Variants in GAS2 observed in about 807,000 individuals in gnomAD.
GAS2 encodes the protein growth arrest specific 2.
GAS2 carries 20 observed loss-of-function variants against 37.5 expected under a neutral mutation model. That is an observed-to-expected ratio of 0.53 (90% CI 0.37 to 0.77). GAS2 has a LOEUF of 0.77. GAS2 is among the 30% of genes least tolerant of loss of function. GAS2 has a pLI of 0.00. For synonymous variants in GAS2, 144 were observed against 132.2 expected (o/e 1.09, Z -0.61); for missense variants, 336 against 373.4 (o/e 0.90, Z 0.82).
chr11:22,761,673 T>C (rs569902961), intron 7 of GAS2, among the ~76,000 whole-genome samples: 2 of 152,272 alleles, frequency 1.3e-5, no homozygotes, highest in South Asian at 4.1e-4. Context: ...TTACTGATAA[T>C]TGCCTTTGTT....
At chr11:22,632,705 C>G (rs1375137730) in intron 1 of GAS2, among the ~76,000 whole-genome samples, 2 of 151,834 alleles carry the variant, frequency 1.3e-5, no homozygotes, top group African/African-American at 4.8e-5. Flanking sequence ...TTAGGTTGGC[C>G]CTTTTACATA....
chr11:22,628,196 G>A (rs1428888883), intron 1 of GAS2, among the ~76,000 whole-genome samples: 3 of 152,144 alleles, frequency 2.0e-5, no homozygotes, highest in South Asian at 2.1e-4. Context: ...AGGGTGGGGA[G>A]GGATACAAAA....
In GAS2 at chr11:22,716,094, C is replaced by T. The variant is rs186917214; in HGVS notation, c.268-10198C>T. Reference sequence around the variant, plus strand: ...AACAGAAGTAAAAACAAAAAACATACGATCATCTCAGTAGATGCAGAAAAA... The same window carrying T: ...AACAGAAGTAAAAACAAAAAACATATGATCATCTCAGTAGATGCAGAAAAA... On this transcript the variant is annotated intron_variant, in intron 3 of 7. Coordinates refer to ENST00000454584, the MANE Select transcript of GAS2 (RefSeq NM_001143830.3). 5.9e-5 allele frequency among the ~76,000 whole-genome samples: 9 copies of T among 152,138 alleles called. No individual in the cohort carries two copies. In the South Asian group the frequency reaches 8.3e-4, roughly 14 times the overall value.
At position 22,726,348 on chromosome 11, in the gene GAS2, T is replaced by C; in HGVS notation, c.324T>C (p.Phe108=). Residue 108 remains phenylalanine, a synonymous_variant, in exon 4 of 8, where the codon TTT becomes TTC. Coordinates refer to ENST00000454584, the MANE Select transcript of GAS2 (RefSeq NM_001143830.3). ...CKTSAPSGSF[F]ARDNTANFLS... is the part of the protein sequence containing the mutation. Reference sequence around the variant, plus strand: ...CCAGTGCACCCTCGGGCTCCTTTTTTGCCAGAGACAATACAGCAAATTTCT... The same window carrying C: ...CCAGTGCACCCTCGGGCTCCTTTTTCGCCAGAGACAATACAGCAAATTTCT... 1.2e-6 allele frequency: 2 copies of C among 1,612,832 alleles called. No homozygotes were observed. Among genetic ancestry groups the C allele is most frequent in the Non-Finnish European group, 1.7e-6 (2 of 1,179,346 alleles).
At chr11:22,649,491 G>A (rs902488555) in intron 1 of GAS2, among the ~76,000 whole-genome samples, 33 of 152,102 alleles carry the variant, frequency 2.2e-4, no homozygotes, top group African/African-American at 5.8e-4. Context: ...CAGAAGGAAT[G>A]GTACCAGTTC....
chr11:22,638,888 T>C (rs779359416), intron 1 of GAS2, among the ~76,000 whole-genome samples: 1 of 152,034 alleles, frequency 6.6e-6, no homozygotes, highest in Non-Finnish European at 1.5e-5. Flanking sequence ...AATCTACTTT[T>C]TGGGAAATTT....
intron 7 of GAS2, among the ~76,000 whole-genome samples, chr11:22,774,113 C>T (rs1357111132): frequency 2.6e-5 from 4 of 152,156 alleles, no homozygotes; most frequent in Non-Finnish European, 5.9e-5. Flanking sequence ...CCTGTCTCAG[C>T]CTCCCAAGTA....
intron 1 of GAS2, among the ~76,000 whole-genome samples, chr11:22,637,289 A>C (rs1858842438): frequency 1.0e-5 from 1 of 99,200 alleles, no homozygotes; most frequent in South Asian, 3.5e-4. Flanking sequence ...GTATACTAAT[A>C]TAATATTAAT....
At chr11:22,698,832 A>C (rs1375604207) in intron 3 of GAS2, among the ~76,000 whole-genome samples, 5 of 152,242 alleles carry the variant, frequency 3.3e-5, no homozygotes, top group Admixed American at 1.3e-4. Flanking sequence ...GTGAAGTAGC[A>C]TTCATTCATG....
intron 1 of GAS2, among the ~76,000 whole-genome samples, chr11:22,674,314 G>A (rs1248092568): frequency 6.6e-6 from 1 of 151,864 alleles, no homozygotes; most frequent in South Asian, 2.1e-4. Context: ...TTCTCACCCA[G>A]TTCTCTAAAT....
chr11:22,789,423 G>GATATATATAAATATATAT lies in GAS2; in HGVS notation c.724-22374_724-22373insTATATATAAATATATATA, dbSNP rs1491294585. Among the ~76,000 whole-genome samples, 297 of 71,148 alleles carry GATATATATAAATATATAT rather than the reference G, an allele frequency of 4.2e-3. 10 individuals carry two copies. Among genetic ancestry groups the GATATATATAAATATATAT allele is most frequent in the African/African-American group, 0.017 (287 of 17,312 alleles). 46.7% of individuals were successfully genotyped at this position (71,148 alleles called of 152,430 possible). A position where few individuals can be genotyped will look rare whatever the true frequency, so the allele number is the denominator to read the frequency against. On this transcript the variant is annotated intron_variant, in intron 7 of 7. Coordinates refer to ENST00000454584, the MANE Select transcript of GAS2 (RefSeq NM_001143830.3). ...GTGTGTATGTGTGTGTATCTCATAT[G>GATATATATAAATATATAT]AGATATATATATATATATATATATA...
intron 2 of GAS2, among the ~76,000 whole-genome samples, chr11:22,675,440 A>G (rs956883371): frequency 1.3e-4 from 20 of 152,140 alleles, no homozygotes; most frequent in African/African-American, 4.3e-4. Flanking sequence ...TGAATACCCA[A>G]ACTCAGGAAC....
chr11:22,647,749 C>G (rs1201473536), intron 1 of GAS2, among the ~76,000 whole-genome samples: 1 of 152,002 alleles, frequency 6.6e-6, no homozygotes, highest in African/African-American at 2.4e-5. Flanking sequence ...TCATGTCCTT[C>G]GCCCACTTTT....
At chr11:22,738,253 T>C (rs1203857437) in intron 5 of GAS2, among the ~76,000 whole-genome samples, 1 of 152,232 alleles carries the variant, frequency 6.6e-6, no homozygotes, top group African/African-American at 2.4e-5. Flanking sequence ...TAAAATTATC[T>C]ACATTTTTAT....
chr11:22,627,044 C>T (rs189201602), intron 1 of GAS2, among the ~76,000 whole-genome samples: 5 of 152,202 alleles, frequency 3.3e-5, no homozygotes, highest in Admixed American at 2.0e-4. Flanking sequence ...CCTCCCGCCT[C>T]GGCCTCCCAA....
rs3049395 is a variant in GAS2 at position 22,704,588 on chromosome 11, CATATAT to C, written c.267+18830_267+18835del. 1.0e-2 allele frequency among the ~76,000 whole-genome samples: 903 copies of C among 90,500 alleles called. 16 individuals are homozygous for C. Among genetic ancestry groups the C allele is most frequent in the East Asian group, 0.081 (222 of 2,724 alleles). The allele number at this position is 90,500 out of a possible 152,430, so 59.4% of individuals were successfully genotyped here. A position where few individuals can be genotyped will look rare whatever the true frequency, so the allele number is the denominator to read the frequency against. Reference sequence around the variant, plus strand: ...TCAATTAGAAGCCAGTGAAAATAAACATATATATATATATATATATATATATATATA... The same window carrying C: ...TCAATTAGAAGCCAGTGAAAATAAACATATATATATATATATATATATATA... On this transcript the variant is annotated intron_variant, in intron 3 of 7. Transcript: ENST00000454584.
rs984467679 is a variant in GAS2 at position 22,710,101 on chromosome 11, A to G, written c.268-16191A>G. 5.3e-5 allele frequency among the ~76,000 whole-genome samples: 8 copies of G among 152,202 alleles called. No homozygotes were observed. The South Asian group carries it at 1.0e-3, about 20-fold the overall frequency. ...TGGGTGCAGCACACCAGCATGGCACATGTATACATATGTAACTAACATGCA... is the reference window on the plus strand; with the variant it reads ...TGGGTGCAGCACACCAGCATGGCACGTGTATACATATGTAACTAACATGCA... On this transcript the variant is annotated intron_variant, in intron 3 of 7. Transcript: ENST00000454584.
chr11:22,652,149 CAGAT>C (rs575462200), intron 1 of GAS2, among the ~76,000 whole-genome samples: 2 of 152,280 alleles, frequency 1.3e-5, no homozygotes, highest in South Asian at 4.1e-4. Flanking sequence ...ACAGGACCCT[CAGAT>C]AGACAGGTCT....
intron 7 of GAS2, among the ~76,000 whole-genome samples, chr11:22,774,683 A>G (rs575664586): frequency 6.6e-6 from 1 of 152,342 alleles, no homozygotes; most frequent in South Asian, 2.1e-4. Context: ...GAGTTAAGGT[A>G]GATATTTTCC....
Sources: gnomAD v4.1 joint callset for allele counts (sites outside exome capture counted in the v4.1 genomes callset) on GRCh38, gnomAD v4.1.1 for gene constraint, MANE v1.5 for transcripts, NCBI Gene and HGNC (gene_info 2026-07-23, HGNC 2026-07-21) for gene names.